ZNF292: variants seen among roughly 807,000 people sequenced by gnomAD.
The protein encoded by ZNF292 is zinc finger protein 292.
Under a neutral mutation model 217.9 loss-of-function variants are expected in ZNF292, and 26 were observed. That is an observed-to-expected ratio of 0.12 (90% confidence interval 0.09 to 0.17). The LOEUF (loss-of-function observed/expected upper bound fraction) is 0.17. Ranked by LOEUF, ZNF292 falls within the 10% of genes least tolerant of loss-of-function variation. ZNF292 has a pLI of 1.00. For missense variants in ZNF292, 2,904 were observed against 3,175.2 expected, an observed-to-expected ratio of 0.91 and a Z score of 2.05; for synonymous variants, 1,257 against 1,124.1, an observed-to-expected ratio of 1.12 and a Z score of -2.37.
At chr6:87,211,059 A>G (rs561496446) in intron 1 of ZNF292, among the ~76,000 whole-genome samples, 12 of 152,364 alleles carry the variant, frequency 7.9e-5, no homozygotes, top group African/African-American at 2.9e-4. Context: ...ATGAACACAC[A>G]CATATACTCA....
intron 7 of ZNF292, among the ~76,000 whole-genome samples, chr6:87,247,270 A>AACACAC (rs36133951): frequency 1.2e-3 from 174 of 149,992 alleles, no homozygotes; most frequent in African/African-American, 3.9e-3. Context: ...TGCCACCCGC[A>AACACAC]ACACACACAC....
intron 4 of ZNF292, among the ~76,000 whole-genome samples, chr6:87,220,645 A>C (rs1773034888): frequency 6.6e-6 from 1 of 152,248 alleles, no homozygotes; most frequent in South Asian, 2.1e-4. Context: ...AGGAAAAAGG[A>C]ACCTTTATCC....
At chr6:87,246,665 G>T (rs867606746) in intron 7 of ZNF292, among the ~76,000 whole-genome samples, 4 of 152,222 alleles carry the variant, frequency 2.6e-5, no homozygotes, top group African/African-American at 9.6e-5. Context: ...AGAAGTTTGA[G>T]ATCAGCCTGG....
intron 1 of ZNF292, among the ~76,000 whole-genome samples, chr6:87,201,250 A>G (rs1047516948): frequency 7.9e-5 from 12 of 152,120 alleles, no homozygotes; most frequent in African/African-American, 9.7e-5. Context: ...TTGATTTTCT[A>G]TGGGGTTTTG....
intron 1 of ZNF292, among the ~76,000 whole-genome samples, chr6:87,184,958 G>T (rs1356206802): frequency 1.3e-5 from 2 of 152,124 alleles, no homozygotes. Context: ...CCAATTGATG[G>T]TGCCACAGTG....
Position 87,265,525 on chromosome 6 carries a change from T to C in ZNF292, c.*3724T>C, listed in dbSNP as rs3956789. Among the ~76,000 whole-genome samples the C allele has an allele frequency of 6.7e-6, 1 of 150,366 alleles. No individual in the cohort carries two copies. Among genetic ancestry groups the C allele is most frequent in the African/African-American group, 2.5e-5 (1 of 39,706 alleles). Reference sequence around the variant, plus strand: ...ATGAGCCACCACACCCAGCCTCTCTTAAATAATTTAATGCATGTTTGCATA... The same window carrying C: ...ATGAGCCACCACACCCAGCCTCTCTCAAATAATTTAATGCATGTTTGCATA... On this transcript the variant is annotated 3_prime_UTR_variant, in exon 8 of 8. Transcript: ENST00000369577.
rs184933150 is a variant in ZNF292, at chr6:87,204,688, C to T, written c.169-11215C>T. On this transcript the variant is annotated intron_variant, in intron 1 of 7. Coordinates refer to ENST00000369577, the MANE Select transcript of ZNF292 (RefSeq NM_015021.3). Reference sequence around the variant, plus strand: ...AAGCGATTCTCCTGCCTCAGCCTCCCGAATAGCTGGGATTACAGGCGCCTT... The same window carrying T: ...AAGCGATTCTCCTGCCTCAGCCTCCTGAATAGCTGGGATTACAGGCGCCTT... Among the ~76,000 whole-genome samples, 1,234 of 151,362 alleles carry T rather than the reference C, an allele frequency of 8.2e-3. 7 individuals are homozygous for T. Among genetic ancestry groups the T allele is most frequent in the Non-Finnish European group, 0.013 (883 of 67,868 alleles).
chr6:87,260,168 C>T lies in ZNF292; in HGVS notation c.6539C>T (p.Ser2180Phe). The change falls in exon 8 of 8, where the codon TCT (serine) becomes TTT (phenylalanine). Residue 2180 changes from serine to phenylalanine, a missense_variant. This residue lies in a region of ZNF292 where 261 missense variants were observed against 272.8 expected (regional missense o/e 0.96). Coordinates refer to ENST00000369577, the MANE Select transcript of ZNF292 (RefSeq NM_015021.3). ...KEFRCQVSDC[S>F]RIFQAITGLI... is the part of the protein sequence containing the mutation. ...TTTCGATGTCAGGTAAGTGACTGTT[C>T]TCGAATTTTCCAAGCAATTACTGGC... The T allele has an allele frequency of 6.2e-7, 1 of 1,612,742 alleles. No individual in the cohort carries two copies. The highest frequency in any genetic ancestry group is 8.5e-7 in the Non-Finnish European group (1 of 1,178,998).
intron 4 of ZNF292, among the ~76,000 whole-genome samples, chr6:87,221,748 C>A (rs1773092251): frequency 2.0e-5 from 3 of 152,150 alleles, no homozygotes; most frequent in East Asian, 3.9e-4. Flanking sequence ...AATCTACAAT[C>A]GTGATTCCTC....
At chr6:87,238,643 T>A (rs1006160352) in intron 5 of ZNF292, among the ~76,000 whole-genome samples, 46 of 149,406 alleles carry the variant, frequency 3.1e-4, no homozygotes, top group African/African-American at 1.0e-3. Context: ...GTATTTATTT[T>A]TTTTATTTTT....
intron 1 of ZNF292, among the ~76,000 whole-genome samples, chr6:87,183,090 A>C (rs774572389): frequency 9.9e-5 from 15 of 152,154 alleles, no homozygotes; most frequent in Non-Finnish European, 1.8e-4. Flanking sequence ...GTATACAGTG[A>C]ATGTTGCTGA....
At chr6:87,231,954 A>G (rs979876518) in intron 4 of ZNF292, among the ~76,000 whole-genome samples, 3 of 152,148 alleles carry the variant, frequency 2.0e-5, no homozygotes, top group African/African-American at 7.2e-5. Flanking sequence ...TTGGCAGTGA[A>G]CTAAACTGTA....
Position 87,188,939 on chromosome 6 carries a change from T to A in ZNF292, c.169-26964T>A, listed in dbSNP as rs189018485. On this transcript the variant is annotated intron_variant, in intron 1 of 7. Transcript: ENST00000369577. ...TCTTTTTCAGGCCAGGCACCGTGGC[T>A]CTTGCCTGTAATCCCAGCACTTTGG... Among the ~76,000 whole-genome samples the A allele has an allele frequency of 2.6e-4, 40 of 152,228 alleles. No homozygotes were observed. In the East Asian group the frequency reaches 7.7e-3, roughly 29 times the overall value.
rs1005599952 is a variant in ZNF292 at position 87,255,113 on chromosome 6, A to G, written c.1484A>G (p.Asn495Ser). 3 of 1,613,594 alleles carry G rather than the reference A, an allele frequency of 1.9e-6. No individual in the cohort carries two copies. Among genetic ancestry groups the G allele is most frequent in the African/African-American group, 2.7e-5 (2 of 74,934 alleles). Residue 495 changes from asparagine to serine, a missense_variant, in exon 8 of 8, where the codon AAT (asparagine) becomes AGT (serine). This residue lies in a region of ZNF292 where 87 missense variants were observed against 99.6 expected (regional missense o/e 0.87). Coordinates refer to ENST00000369577, the MANE Select transcript of ZNF292 (RefSeq NM_015021.3). ...GAAGAGAGTAAAGAAACTTCTATGA[A>G]TGGGCTTTCTGGTGGAGTTGGTGCT... is the stretch of plus-strand genomic sequence containing the variant. Reference protein sequence around the residue: ...YQEESKETSMNGLSGGVGANS... With the variant: ...YQEESKETSMSGLSGGVGANS...
chr6:87,189,546 T>C (rs552706366), intron 1 of ZNF292, among the ~76,000 whole-genome samples: 6 of 152,286 alleles, frequency 3.9e-5, no homozygotes, highest in Admixed American at 2.6e-4. Flanking sequence ...TTCCAAACTT[T>C]TCTTTTAGGA....
At chr6:87,210,022 C>T (rs968454311) in intron 1 of ZNF292, among the ~76,000 whole-genome samples, 1 of 152,032 alleles carries the variant, frequency 6.6e-6, no homozygotes, top group African/African-American at 2.4e-5. Flanking sequence ...TAATTTAATC[C>T]CCATGTTTAT....
chr6:87,230,190 A>G (rs1053477967), intron 4 of ZNF292, among the ~76,000 whole-genome samples: 1 of 152,174 alleles, frequency 6.6e-6, no homozygotes, highest in Non-Finnish European at 1.5e-5. Flanking sequence ...GAGATATTGT[A>G]TGCTGAGTTT....
chr6:87,197,068 A>G (rs916821684), intron 1 of ZNF292, among the ~76,000 whole-genome samples: 1 of 111,788 alleles, frequency 8.9e-6, no homozygotes, highest in Admixed American at 9.9e-5. Flanking sequence ...CAAATGAGAA[A>G]GGAGGTCAGA....
rs960452339 is a variant in ZNF292 at position 87,256,275 on chromosome 6, A to G, written c.2646A>G (p.Leu882=). ...LPSENNIENS[L]LADRSDAWDK... is the part of the protein sequence containing the mutation. ...CAGAAAATAACATTGAAAACAGCTT[A>G]CTAGCAGATAGAAGTGATGCTTGGG... The change falls in exon 8 of 8, where the codon TTA becomes TTG. Residue 882 remains leucine, a synonymous_variant. Coordinates refer to ENST00000369577, the MANE Select transcript of ZNF292 (RefSeq NM_015021.3). 1 of 1,613,876 alleles carries G rather than the reference A, an allele frequency of 6.2e-7. No homozygotes were observed. Among genetic ancestry groups the G allele is most frequent in the Non-Finnish European group, 8.5e-7 (1 of 1,179,840 alleles).
Sources: gnomAD v4.1 joint callset for allele counts (sites outside exome capture counted in the v4.1 genomes callset) on GRCh38, gnomAD v4.1.1 for gene constraint, gnomAD v4.1.1 regional missense constraint, MANE v1.5 for transcripts, NCBI Gene and HGNC (gene_info 2026-07-23, HGNC 2026-07-21) for gene names.